The following SCD5 variants were observed in gnomAD, a reference collection of about 807,000 sequenced individuals.
The protein encoded by SCD5 is acyl-CoA-desaturase 4.
SCD5 carries 20 observed loss-of-function variants against 30.4 expected under a neutral mutation model. That is an observed-to-expected ratio of 0.66 (90% confidence interval 0.46 to 0.96). The LOEUF (loss-of-function observed/expected upper bound fraction) is 0.96. Among genes scored for constraint, SCD5 ranks in the 40% least tolerant of loss-of-function variants. The probability of loss-of-function intolerance (pLI) is 0.00; values close to 1 mark genes in which losing one functional copy is unlikely to be tolerated. For synonymous variants in SCD5, 173 were observed against 176.4 expected (o/e 0.98, Z 0.16); for missense variants, 381 against 443.3 (o/e 0.86, Z 1.26).
At chr4:82,710,008 C>G (rs114231476) in intron 1 of SCD5, among the ~76,000 whole-genome samples, 3 of 152,180 alleles carry the variant, frequency 2.0e-5, no homozygotes, top group Non-Finnish European at 4.4e-5. Context: ...TAAATAAATG[C>G]CTTGGGACCT....
At position 82,657,666 on chromosome 4, in the gene SCD5, C is replaced by CTGAATCTATAAATTACTTTGGGCAG. The variant is rs1440334135; in HGVS notation, c.570-20868_570-20844dup. Among the ~76,000 whole-genome samples the CTGAATCTATAAATTACTTTGGGCAG allele has an allele frequency of 3.9e-5, 6 of 152,288 alleles. 1 individual carries two copies. In the South Asian group the frequency reaches 8.3e-4, roughly 21 times the overall value. The stretch of plus-strand genomic sequence containing the variant: ...CAATGGTAGCTTGATGGGGATAGCA[C>CTGAATCTATAAATTACTTTGGGCAG]TGAATCTATAAATTACTTTGGGCAG... On this transcript the variant is annotated intron_variant, in intron 3 of 4. Coordinates refer to ENST00000319540, the MANE Select transcript of SCD5 (RefSeq NM_001037582.3).
intron 1 of SCD5, among the ~76,000 whole-genome samples, chr4:82,716,650 C>A (rs539326596): frequency 6.6e-6 from 1 of 151,678 alleles, no homozygotes; most frequent in African/African-American, 2.4e-5. Flanking sequence ...CCTGTCTCTA[C>A]TAAAATTATG....
intron 3 of SCD5, among the ~76,000 whole-genome samples, chr4:82,642,453 T>G (rs190527610): frequency 1.1e-3 from 169 of 152,324 alleles, no homozygotes; most frequent in Admixed American, 2.2e-3. Context: ...CTGTGTACAC[T>G]CTAGACAGAA....
chr4:82,685,508 T>C (rs1202091392), intron 2 of SCD5, among the ~76,000 whole-genome samples: 1 of 151,666 alleles, frequency 6.6e-6, no homozygotes, highest in East Asian at 1.9e-4. Flanking sequence ...AGGACGGGAG[T>C]TCGAGACCAG....
At chr4:82,694,188 T>TG (rs1227829191) in intron 2 of SCD5, among the ~76,000 whole-genome samples, 3 of 152,178 alleles carry the variant, frequency 2.0e-5, no homozygotes, top group Non-Finnish European at 4.4e-5. Flanking sequence ...TGGGAACCAC[T>TG]GGTCACTCCA....
intron 1 of SCD5, among the ~76,000 whole-genome samples, chr4:82,796,256 C>A (rs540879048): frequency 1.1e-3 from 163 of 144,936 alleles, no homozygotes; most frequent in African/African-American, 4.2e-3. Context: ...GGCGACAGAG[C>A]GAGACTCTGT....
At chr4:82,752,729 G>T (rs1342412417) in intron 1 of SCD5, among the ~76,000 whole-genome samples, 2 of 152,076 alleles carry the variant, frequency 1.3e-5, no homozygotes, top group African/African-American at 4.8e-5. Flanking sequence ...CATCCACTCA[G>T]TTCTTTCACG....
intron 1 of SCD5, among the ~76,000 whole-genome samples, chr4:82,711,441 C>A (rs143190473): frequency 6.6e-6 from 1 of 152,126 alleles, no homozygotes; most frequent in Non-Finnish European, 1.5e-5. Context: ...CAGGATGGCG[C>A]GGTGGCTCAT....
At chr4:82,670,776 A>G (rs12511451) in intron 3 of SCD5, among the ~76,000 whole-genome samples, 3,815 of 121,340 alleles carry the variant, frequency 0.031, 106 homozygotes, top group African/African-American at 0.079. Context: ...TCAATTCCAT[A>G]TCAATTGACA....
intron 2 of SCD5, among the ~76,000 whole-genome samples, chr4:82,692,898 GGA>G (rs1158488611): frequency 7.9e-5 from 12 of 152,314 alleles, no homozygotes; most frequent in African/African-American, 2.9e-4. Context: ...CTTCCCTGAG[GGA>G]GAGGCTGAAG....
At chr4:82,709,681 C>A (rs575391497) in intron 1 of SCD5, among the ~76,000 whole-genome samples, 1 of 152,346 alleles carries the variant, frequency 6.6e-6, no homozygotes, top group African/African-American at 2.4e-5. Flanking sequence ...ATAAACTTAT[C>A]ATTTGTTCCA....
At chr4:82,716,547 C>T (rs894500192) in intron 1 of SCD5, among the ~76,000 whole-genome samples, 2 of 151,822 alleles carry the variant, frequency 1.3e-5, no homozygotes, top group African/African-American at 4.9e-5. Context: ...GGCGTGGTGG[C>T]TCATGTCTGT....
At chr4:82,719,543 GC>G (rs1287337062) in intron 1 of SCD5, among the ~76,000 whole-genome samples, 11 of 142,698 alleles carry the variant, frequency 7.7e-5, no homozygotes, top group Admixed American at 5.1e-4. Context: ...TCGCTCTGTC[GC>G]CCAGGCCGGA....
At chr4:82,683,931 G>C (rs1303508879) in intron 2 of SCD5, among the ~76,000 whole-genome samples, 1 of 152,142 alleles carries the variant, frequency 6.6e-6, no homozygotes, top group African/African-American at 2.4e-5. Flanking sequence ...TTTCTTTATA[G>C]ATTACCCAGT....
intron 1 of SCD5, chr4:82,775,435 T>C (rs1721724476): frequency 6.6e-6 from 1 of 152,242 alleles, no homozygotes; most frequent in African/African-American, 2.4e-5. Context: ...AGTAAGAACA[T>C]CTGGGGCTCA....
chr4:82,699,563 G>GTTTTT (rs1194595349), intron 2 of SCD5, among the ~76,000 whole-genome samples: 1 of 28,922 alleles, frequency 3.5e-5, no homozygotes, highest in African/African-American at 1.9e-4. Context: ...TTTGTTTTTT[G>GTTTTT]TTTTTTGTTT....
intron 3 of SCD5, among the ~76,000 whole-genome samples, chr4:82,653,940 C>T (rs142442276): frequency 0.011 from 1,584 of 149,730 alleles, 32 homozygotes; most frequent in African/African-American, 0.036. Flanking sequence ...TTTAATCAAA[C>T]GGAGTCCTGC....
In SCD5 at chr4:82,758,719, G is replaced by A. The variant is rs559876263; in HGVS notation, c.232+39587C>T. On this transcript the variant is annotated intron_variant, in intron 1 of 4. Transcript: ENST00000319540. ...GACACAGGCTCTGTGAGCATGGGCCGGGAGGGCGGGCCTTCCTTACCGGGT... is the reference window on the plus strand; with the variant it reads ...GACACAGGCTCTGTGAGCATGGGCCAGGAGGGCGGGCCTTCCTTACCGGGT... Among the ~76,000 whole-genome samples the A allele has an allele frequency of 5.5e-4, 83 of 152,188 alleles. 1 individual carries two copies. The highest frequency in any genetic ancestry group is 2.1e-4 in the South Asian group (1 of 4,810).
chr4:82,730,588 T>TC lies in SCD5; in HGVS notation c.233-25176_233-25175insG, dbSNP rs1185280789. Among the ~76,000 whole-genome samples the TC allele has an allele frequency of 2.8e-5, 4 of 145,350 alleles. No individual in the cohort carries two copies. The East Asian group carries it at 7.9e-4, about 29-fold the overall frequency. Reference sequence around the variant, plus strand: ...AATATATGTATTTTTTTCCCTTCTTTTTTTTTTTTTTTTTTTAGAAGGAGT... The same window carrying TC: ...AATATATGTATTTTTTTCCCTTCTTTCTTTTTTTTTTTTTTTTAGAAGGAGT... On this transcript the variant is annotated intron_variant, in intron 1 of 4. Coordinates refer to ENST00000319540, the MANE Select transcript of SCD5 (RefSeq NM_001037582.3).
Sources: gnomAD v4.1 joint callset for allele counts (sites outside exome capture counted in the v4.1 genomes callset) on GRCh38, gnomAD v4.1.1 for gene constraint, MANE v1.5 for transcripts, NCBI Gene and HGNC (gene_info 2026-07-23, HGNC 2026-07-21) for gene names.